The following WDR89 variants were observed in gnomAD, a reference collection of about 807,000 sequenced individuals.
WDR89 encodes the protein WD repeat-containing protein 89.
WDR89 carries 17 observed loss-of-function variants against 29.1 expected under a neutral mutation model. The observed-to-expected ratio is 0.58, with a 90% CI of 0.40 to 0.88. WDR89 has a LOEUF of 0.88. WDR89 is among the 40% of genes least tolerant of loss of function. WDR89 has a pLI of 0.00. For missense variants in WDR89, 396 were observed against 456.3 expected (o/e 0.87, Z 1.20); for synonymous variants, 138 against 157.8 (o/e 0.87, Z 0.94).
At chr14:63,603,317 G>A (rs1460832323) in intron 2 of WDR89, among the ~76,000 whole-genome samples, 1 of 152,004 alleles carries the variant, frequency 6.6e-6, no homozygotes, top group Non-Finnish European at 1.5e-5. Flanking sequence ...ACCTTTTGAT[G>A]AGAGTTAGCT....
intron 2 of WDR89, among the ~76,000 whole-genome samples, chr14:63,614,005 T>C (rs1882154748): frequency 6.6e-6 from 1 of 152,100 alleles, no homozygotes; most frequent in Admixed American, 6.6e-5. Context: ...AGTACTAGTA[T>C]ATCCATTTTA....
chr14:63,627,069 A>C (rs547941450), intron 1 of WDR89, among the ~76,000 whole-genome samples: 4 of 151,360 alleles, frequency 2.6e-5, no homozygotes, highest in Non-Finnish European at 5.9e-5. Flanking sequence ...TGCAGTGAGC[A>C]ATGACTGTGT....
intron 2 of WDR89, among the ~76,000 whole-genome samples, chr14:63,606,008 CT>C (rs907356786): frequency 9.6e-4 from 140 of 146,280 alleles, no homozygotes; most frequent in Admixed American, 1.3e-3. Flanking sequence ...CTTTTTTCTT[CT>C]TTTTTTTTTT....
At chr14:63,640,512 G>A (rs1384223782) in intron 1 of WDR89, among the ~76,000 whole-genome samples, 3 of 151,048 alleles carry the variant, frequency 2.0e-5, no homozygotes, top group African/African-American at 4.9e-5. Flanking sequence ...TTTTTGAGAC[G>A]TTGTCTCACT....
Position 63,599,462 on chromosome 14 carries a change from A to T in WDR89, c.481T>A (p.Ser161Thr). The T allele has an allele frequency of 6.2e-7, 1 of 1,614,196 alleles. No homozygotes were observed. The highest frequency in any genetic ancestry group is 1.1e-5 in the South Asian group (1 of 91,082). Reference protein sequence around the residue: ...NSQNLSTTKDSLGAYSETHSD... With the variant: ...NSQNLSTTKDTLGAYSETHSD... ...TGTGTCTCTGAATATGCACCAAGTG[A>T]GTCTTTAGTTGTAGATAAATTCTGA... Residue 161 changes from serine (S) to threonine (T), a missense_variant, in exon 3 of 3, where the codon TCA (serine) becomes ACA (threonine). Transcript: ENST00000620954.
At chr14:63,638,436 A>G (rs1244964555) in intron 1 of WDR89, among the ~76,000 whole-genome samples, 1 of 152,246 alleles carries the variant, frequency 6.6e-6, no homozygotes, top group Admixed American at 6.5e-5. Flanking sequence ...AATAAATTTA[A>G]AAGTAAAACA....
rs377056663 is a variant in WDR89, at chr14:63,599,964, T to C, written c.-22A>G. ...CCATGTCAACAGCAGCATCCAAGGG[T>C]AGTAAAACTCTGTAAAAAATAATAA... On this transcript the variant is annotated 5_prime_UTR_variant, in exon 3 of 3. Coordinates refer to ENST00000620954, the MANE Select transcript of WDR89 (RefSeq NM_080666.4). 3.5e-6 allele frequency: 5 copies of C among 1,442,014 alleles called. No individual in the cohort carries two copies. Among genetic ancestry groups the C allele is most frequent in the Non-Finnish European group, 4.6e-6 (5 of 1,090,500 alleles). The allele number at this position is 1,442,014 out of a possible 1,614,324, so 89.3% of individuals were successfully genotyped here. A position where few individuals can be genotyped will look rare whatever the true frequency, so the allele number is the denominator to read the frequency against.
At chr14:63,613,997 T>C (rs1314011049) in intron 2 of WDR89, among the ~76,000 whole-genome samples, 1 of 152,110 alleles carries the variant, frequency 6.6e-6, no homozygotes, top group Non-Finnish European at 1.5e-5. Context: ...AATCCCAAAG[T>C]ACTAGTATAT....
chr14:63,604,043 C>T (rs992558797), intron 2 of WDR89, among the ~76,000 whole-genome samples: 2 of 152,214 alleles, frequency 1.3e-5, no homozygotes, highest in Non-Finnish European at 2.9e-5. Context: ...ATGTCACCTG[C>T]CCAGAGAGAG....
At chr14:63,620,985 T>C (rs1042891817) in intron 2 of WDR89, among the ~76,000 whole-genome samples, 2 of 151,578 alleles carry the variant, frequency 1.3e-5, no homozygotes, top group Non-Finnish European at 2.9e-5. Context: ...TGTAAGGCAG[T>C]GGGTATGTTA....
At chr14:63,613,344 A>G (rs1054895259) in intron 2 of WDR89, among the ~76,000 whole-genome samples, 1 of 152,162 alleles carries the variant, frequency 6.6e-6, no homozygotes, top group African/African-American at 2.4e-5. Context: ...AAAAACTCCA[A>G]AACACAATGA....
At chr14:63,620,004 C>CAAAAAAAA (rs71120271) in intron 2 of WDR89, among the ~76,000 whole-genome samples, 7 of 72,380 alleles carry the variant, frequency 9.7e-5, no homozygotes, top group African/African-American at 1.5e-4. Context: ...GACTCCATCT[C>CAAAAAAAA]AAAAAAAAAA....
At chr14:63,600,368 T>G (rs1895003373) in intron 2 of WDR89, among the ~76,000 whole-genome samples, 1 of 151,888 alleles carries the variant, frequency 6.6e-6, no homozygotes, top group Non-Finnish European at 1.5e-5. Context: ...TGGTGGCCTA[T>G]GCCTGTAGTC....
At position 63,635,546 on chromosome 14, in the gene WDR89, C is replaced by A. The variant is rs189733450; in HGVS notation, c.-138+6258G>T. 2.5e-3 allele frequency among the ~76,000 whole-genome samples: 382 copies of A among 152,290 alleles called. 2 individuals are homozygous for A. The highest frequency in any genetic ancestry group is 9.1e-3 in the African/African-American group (377 of 41,548). On this transcript the variant is annotated intron_variant, in intron 1 of 2. Coordinates refer to ENST00000620954, the MANE Select transcript of WDR89 (RefSeq NM_080666.4). Reference sequence around the variant, plus strand: ...ATACTGAATGGGGAAAAGCTGAAAGCATTCCCTCTGAGAACTGGAACAAGA... The same window carrying A: ...ATACTGAATGGGGAAAAGCTGAAAGAATTCCCTCTGAGAACTGGAACAAGA...
chr14:63,634,825 G>T (rs996083801), intron 1 of WDR89, among the ~76,000 whole-genome samples: 1 of 147,130 alleles, frequency 6.8e-6, no homozygotes, highest in African/African-American at 2.5e-5. Flanking sequence ...AGCCAAGATC[G>T]CACCATTGCA....
chr14:63,618,042 G>GGT (rs879498353), intron 2 of WDR89: 2 of 152,104 alleles, frequency 1.3e-5, no homozygotes, highest in East Asian at 1.9e-4. Context: ...ATAAAACCAT[G>GGT]GTGCTCGCTT....
In WDR89 at chr14:63,599,693, T is replaced by C. The variant is rs756794878; in HGVS notation, c.250A>G (p.Ser84Gly). ...NGVRFANSCD[S>G]VYSACTDGTV... is the part of the protein sequence containing the mutation. ...CCATCAGTACATGCTGAATATACAC[T>C]GTCACAGGAATTTGCAAATCTGACT... The change falls in exon 3 of 3, where the codon AGT (serine) becomes GGT (glycine). Residue 84 changes from serine to glycine, a missense_variant. Coordinates refer to ENST00000620954, the MANE Select transcript of WDR89 (RefSeq NM_080666.4). 3 of 1,614,196 alleles carry C rather than the reference T, an allele frequency of 1.9e-6. No homozygotes were observed. The highest frequency in any genetic ancestry group is 2.2e-5 in the East Asian group (1 of 44,884).
In WDR89 at chr14:63,598,921, TCTC is replaced by T. The variant is rs1444279086; in HGVS notation, c.1019_1021del (p.Gly340del). ...TTTCCAAAGTAACAACTGTGCATCT[TCTC>T]CTCCAGTCAACAAAGAATCATCTTG... On this transcript the variant is annotated inframe_deletion, in exon 3 of 3. Coordinates refer to ENST00000620954, the MANE Select transcript of WDR89 (RefSeq NM_080666.4). The T allele has an allele frequency of 6.2e-7, 1 of 1,614,050 alleles. No individual in the cohort carries two copies. The highest frequency in any genetic ancestry group is 1.3e-5 in the African/African-American group (1 of 74,924).
intron 2 of WDR89, among the ~76,000 whole-genome samples, chr14:63,601,119 A>G (rs546117002): frequency 1.3e-5 from 2 of 152,264 alleles, no homozygotes; most frequent in East Asian, 1.9e-4. Context: ...AGCCCTGTTG[A>G]CATCTTAATT....
Sources: gnomAD v4.1 joint callset for allele counts (sites outside exome capture counted in the v4.1 genomes callset) on GRCh38, gnomAD v4.1.1 for gene constraint, MANE v1.5 for transcripts, NCBI Gene and HGNC (gene_info 2026-07-23, HGNC 2026-07-21) for gene names.